Variants in DCBLD2 observed in about 807,000 individuals in gnomAD.
The protein encoded by DCBLD2 is discoidin, CUB and LCCL domain containing 2.
DCBLD2 carries 54 observed loss-of-function variants against 86.8 expected under a neutral mutation model. The observed-to-expected ratio is 0.62, with a 90% CI of 0.50 to 0.78. The LOEUF is 0.78. DCBLD2 is among the 30% of genes least tolerant of loss of function. The pLI, the probability that DCBLD2 is intolerant of heterozygous loss-of-function variation, is 0.00. For missense variants in DCBLD2, 908 were observed against 954.2 expected (o/e 0.95, Z 0.64); for synonymous variants, 354 against 341.3 (o/e 1.04, Z -0.41).
rs192740166 is a variant in DCBLD2, at chr3:98,875,654, C to T, written c.433+5886G>A. Among the ~76,000 whole-genome samples, 4 of 152,214 alleles carry T rather than the reference C, an allele frequency of 2.6e-5. No homozygotes were observed. The East Asian group carries it at 5.8e-4, about 22-fold the overall frequency. The stretch of plus-strand genomic sequence containing the variant: ...AGCCCTATCAGGCATTAACACATAC[C>T]GTAAAGCCTCTGAAAGCCTTTACAA... On this transcript the variant is annotated intron_variant, in intron 2 of 15. Coordinates refer to ENST00000326840, the MANE Select transcript of DCBLD2 (RefSeq NM_080927.4).
At chr3:98,863,833 C>T (rs1309268710) in intron 2 of DCBLD2, among the ~76,000 whole-genome samples, 1 of 152,120 alleles carries the variant, frequency 6.6e-6, no homozygotes, top group Non-Finnish European at 1.5e-5. Flanking sequence ...AAAGCAATGG[C>T]AACAAAAGCC....
intron 3 of DCBLD2, among the ~76,000 whole-genome samples, chr3:98,832,898 A>AT (rs1942349323): frequency 6.6e-6 from 1 of 152,068 alleles, no homozygotes; most frequent in Non-Finnish European, 1.5e-5. Flanking sequence ...AAATCTGATG[A>AT]TTATGTGTCT....
At chr3:98,878,238 T>C (rs1246850230) in intron 2 of DCBLD2, among the ~76,000 whole-genome samples, 2 of 152,056 alleles carry the variant, frequency 1.3e-5, no homozygotes, top group Non-Finnish European at 2.9e-5. Flanking sequence ...AGCCAAAATA[T>C]CAAAGTTAAT....
In DCBLD2 at chr3:98,817,876, A is replaced by T; in HGVS notation, c.1105T>A (p.Ser369Thr). The T allele has an allele frequency of 1.2e-6, 2 of 1,613,460 alleles. No homozygotes were observed. Among genetic ancestry groups the T allele is most frequent in the Non-Finnish European group, 1.7e-6 (2 of 1,179,576 alleles). Residue 369 changes from serine to threonine, a missense_variant, in exon 9 of 16, where the codon TCC becomes ACC. By Grantham distance (58) the Ser-to-Thr change is moderately conservative (BLOSUM62 1). Transcript: ENST00000326840. ...TAGTAATTGTGCTCCACCATGGTGGATCCAGTGGTTATAATGCCTGGGGAA... is the reference window on the plus strand; with the variant it reads ...TAGTAATTGTGCTCCACCATGGTGGTTCCAGTGGTTATAATGCCTGGGGAA... ...KKITGIITTG[S>T]TMVEHNYYVS...
chr3:98,802,001 T>A (rs543869073), intron 13 of DCBLD2: 3 of 183,238 alleles, frequency 1.6e-5, no homozygotes, highest in African/African-American at 7.0e-5. Context: ...TTTTGAATAG[T>A]GCTGCAATGA....
chr3:98,870,648 GAT>G, intron 2 of DCBLD2, among the ~76,000 whole-genome samples: 1 of 121,266 alleles, frequency 8.2e-6, no homozygotes, highest in South Asian at 2.6e-4. Context: ...AGGAAGAAGA[GAT>G]AGAGAAAGAG....
chr3:98,813,580 G>A (rs753622720), intron 9 of DCBLD2: 6 of 152,038 alleles, frequency 3.9e-5, no homozygotes, highest in Admixed American at 6.6e-5. Flanking sequence ...GTTCAGGCTG[G>A]TCTCAAACTC....
intron 12 of DCBLD2, among the ~76,000 whole-genome samples, chr3:98,809,645 AG>A (rs1941902420): frequency 6.6e-6 from 1 of 152,170 alleles, no homozygotes; most frequent in Non-Finnish European, 1.5e-5. Flanking sequence ...CTTGAAAATA[AG>A]GGGAATATGT....
At chr3:98,892,791 C>T (rs1447722542) in intron 1 of DCBLD2, among the ~76,000 whole-genome samples, 1 of 152,076 alleles carries the variant, frequency 6.6e-6, no homozygotes, top group African/African-American at 2.4e-5. Flanking sequence ...AAAGAATGTC[C>T]ACCTCACATC....
intron 2 of DCBLD2, among the ~76,000 whole-genome samples, chr3:98,867,521 C>A (rs1292596383): frequency 6.6e-6 from 1 of 152,124 alleles, no homozygotes; most frequent in African/African-American, 2.4e-5. Context: ...TAATCCAATT[C>A]AATTTTCTAG....
intron 2 of DCBLD2, among the ~76,000 whole-genome samples, chr3:98,879,860 AT>A (rs760346044): frequency 2.0e-5 from 3 of 152,144 alleles, no homozygotes; most frequent in Non-Finnish European, 4.4e-5. Context: ...AGTAGAATGT[AT>A]TTCTCTATCT....
intron 3 of DCBLD2, among the ~76,000 whole-genome samples, chr3:98,843,433 G>A (rs943780556): frequency 6.6e-6 from 1 of 152,028 alleles, no homozygotes; most frequent in Non-Finnish European, 1.5e-5. Context: ...ATTACTGTAC[G>A]GTTAAGAAGG....
intron 2 of DCBLD2, among the ~76,000 whole-genome samples, chr3:98,863,794 T>A (rs972351136): frequency 6.6e-6 from 1 of 152,196 alleles, no homozygotes; most frequent in Non-Finnish European, 1.5e-5. Context: ...ATTCAGGACA[T>A]AGGCATGGAC....
At chr3:98,850,766 T>C (rs1942821200) in intron 2 of DCBLD2, among the ~76,000 whole-genome samples, 2 of 152,144 alleles carry the variant, frequency 1.3e-5, no homozygotes, top group Admixed American at 6.5e-5. Flanking sequence ...ACAAAACCTC[T>C]CTAGAACTAG....
intron 3 of DCBLD2, among the ~76,000 whole-genome samples, chr3:98,844,938 T>A (rs1942692022): frequency 6.6e-6 from 1 of 152,242 alleles, no homozygotes; most frequent in Non-Finnish European, 1.5e-5. Flanking sequence ...ATACCTATTA[T>A]GAGGACTATA....
intron 4 of DCBLD2, among the ~76,000 whole-genome samples, chr3:98,823,465 C>T (rs756053385): frequency 2.6e-5 from 4 of 152,138 alleles, no homozygotes; most frequent in Non-Finnish European, 5.9e-5. Flanking sequence ...CCCATCCACC[C>T]AACACATTTA....
chr3:98,866,759 T>C (rs995345203), intron 2 of DCBLD2, among the ~76,000 whole-genome samples: 4 of 152,358 alleles, frequency 2.6e-5, no homozygotes, highest in African/African-American at 9.6e-5. Flanking sequence ...GCTTTTGGTG[T>C]TTCAGACATG....
intron 1 of DCBLD2, among the ~76,000 whole-genome samples, chr3:98,897,575 C>T (rs1179529583): frequency 6.6e-6 from 1 of 151,994 alleles, no homozygotes; most frequent in Non-Finnish European, 1.5e-5. Context: ...AAAAATATTT[C>T]CCTGCATCAC....
At chr3:98,832,043 T>TAA (rs1435412380) in intron 3 of DCBLD2, among the ~76,000 whole-genome samples, 1 of 152,186 alleles carries the variant, frequency 6.6e-6, no homozygotes, top group Non-Finnish European at 1.5e-5. Flanking sequence ...AGTGGAGTGT[T>TAA]AAAGTCTCCC....
Sources: gnomAD v4.1 joint callset for allele counts (sites outside exome capture counted in the v4.1 genomes callset) on GRCh38, gnomAD v4.1.1 for gene constraint, MANE v1.5 for transcripts, NCBI Gene and HGNC (gene_info 2026-07-23, HGNC 2026-07-21) for gene names.